Variants in SOX5 observed in about 807,000 individuals in gnomAD.
The protein encoded by SOX5 is transcription factor SOX-5.
A neutral mutation model predicts 92.0 loss-of-function variants in SOX5; 9 were observed. The observed-to-expected ratio is 0.10, with a 90% CI of 0.06 to 0.17. The LOEUF is 0.17. Ranked by LOEUF, SOX5 falls within the 10% of genes least tolerant of loss-of-function variation. The pLI, the probability that SOX5 is intolerant of heterozygous loss-of-function variation, is 1.00. For synonymous variants in SOX5, 344 were observed against 336.3 expected (o/e 1.02, Z -0.25); for missense variants, 642 against 944.5 (o/e 0.68, Z 4.20).
At chr12:24,417,611 T>C (rs2136886352) in intron 1 of SOX5, among the ~76,000 whole-genome samples, 1 of 152,286 alleles carries the variant, frequency 6.6e-6, no homozygotes, top group African/African-American at 2.4e-5. Context: ...ACAAATGAAC[T>C]GAACAGAATA....
At chr12:24,289,439 A>AAGGAC (rs1289340092) in intron 2 of SOX5, among the ~76,000 whole-genome samples, 1 of 148,164 alleles carries the variant, frequency 6.7e-6, no homozygotes, top group Non-Finnish European at 1.5e-5. Context: ...GGACGGTCTT[A>AAGGAC]AGGACATTTG....
chr12:23,536,833 G>GTGGTT (rs1409643154), intron 13 of SOX5, among the ~76,000 whole-genome samples, 164 bp from the exon 14 acceptor site: 1 of 152,068 alleles, frequency 6.6e-6, no homozygotes, highest in Admixed American at 6.6e-5. Flanking sequence ...AGAGGTGGTG[G>GTGGTT]TGGTTTTGTA....
At chr12:24,329,954 C>T (rs939437389) in intron 2 of SOX5, among the ~76,000 whole-genome samples, 18 of 152,076 alleles carry the variant, frequency 1.2e-4, no homozygotes, top group African/African-American at 4.3e-4. Context: ...ACCCGGGAGG[C>T]GGAGGTGGCA....
At chr12:24,360,626 C>T (rs752637286) in intron 2 of SOX5, among the ~76,000 whole-genome samples, 1 of 152,072 alleles carries the variant, frequency 6.6e-6, no homozygotes, top group Non-Finnish European at 1.5e-5. Flanking sequence ...TGTCTGAGTA[C>T]TTCATTTTAC....
intron 2 of SOX5, among the ~76,000 whole-genome samples, chr12:24,314,110 G>A (rs1413442510): frequency 6.6e-6 from 1 of 152,072 alleles, no homozygotes; most frequent in South Asian, 2.1e-4. Context: ...ATCTCGTCTG[G>A]CTTATTGTAA....
chr12:23,979,755 T>G (rs1949352812), intron 4 of SOX5, among the ~76,000 whole-genome samples: 1 of 127,730 alleles, frequency 7.8e-6, no homozygotes, highest in Admixed American at 9.2e-5. Flanking sequence ...CCTTACTGTG[T>G]CACTCAGACT....
At position 23,533,449 on chromosome 12, in the gene SOX5, G is replaced by T; in HGVS notation, c.*770C>A. ...CACTGTCCTAACTTAAGAAGGAAAA[G>T]GAAAAAGTAAAGAGAAAAAATGAAC... On this transcript the variant is annotated 3_prime_UTR_variant, in exon 15 of 15. Transcript: ENST00000451604. 5.3e-6 allele frequency: 1 copy of T among 187,772 alleles called. No individual in the cohort carries two copies. Among genetic ancestry groups the T allele is most frequent in the Non-Finnish European group, 1.1e-5 (1 of 88,026 alleles). 11.6% of individuals were successfully genotyped at this position (187,772 alleles called of 1,614,324 possible).
chr12:24,449,005 C>T (rs1187766912), intron 1 of SOX5, among the ~76,000 whole-genome samples: 1 of 152,130 alleles, frequency 6.6e-6, no homozygotes, highest in African/African-American at 2.4e-5. Context: ...GCTTCCATTT[C>T]ATTAGCACAT....
At chr12:23,963,146 G>C (rs531501974) in intron 4 of SOX5, among the ~76,000 whole-genome samples, 27 of 152,190 alleles carry the variant, frequency 1.8e-4, no homozygotes, top group African/African-American at 6.5e-4. Context: ...TTTCATAAAA[G>C]AATACTTTAA....
At chr12:23,828,920 C>T (rs770301969) in intron 3 of SOX5, among the ~76,000 whole-genome samples, 35 of 152,264 alleles carry the variant, frequency 2.3e-4, no homozygotes, top group Middle Eastern at 6.8e-3. Context: ...GTCATATGCT[C>T]ATCCTGTTCT....
Position 24,113,817 on chromosome 12 carries a change from G to T in SOX5, c.-2+99526C>A, listed in dbSNP as rs10505935. Among the ~76,000 whole-genome samples the T allele has an allele frequency of 4.8e-3, 727 of 152,252 alleles. 4 individuals carry two copies. The highest frequency in any genetic ancestry group is 0.017 in the Middle Eastern group (5 of 294). ...CTGTTATCTGTTATACTTAAGGAAG[G>T]TTCCAGACTTGGAATTGTTAGCTAA... On this transcript the variant is annotated intron_variant, in intron 4 of 4. Coordinates refer to the SOX5 transcript ENST00000446891.
intron 6 of SOX5, among the ~76,000 whole-genome samples, chr12:23,683,366 G>A (rs1312141302): frequency 6.6e-6 from 1 of 151,728 alleles, no homozygotes; most frequent in Non-Finnish European, 1.5e-5. Flanking sequence ...AAAGAAAACT[G>A]GTGAAAACTT....
intron 4 of SOX5, among the ~76,000 whole-genome samples, chr12:23,969,571 T>G (rs1428681727): frequency 1.3e-5 from 2 of 152,230 alleles, no homozygotes; most frequent in Non-Finnish European, 2.9e-5. Context: ...CTATTTTCTC[T>G]GTTTGGAATT....
At chr12:24,539,625 T>C (rs1951940519) in intron 1 of SOX5, among the ~76,000 whole-genome samples, 1 of 151,674 alleles carries the variant, frequency 6.6e-6, no homozygotes, top group Non-Finnish European at 1.5e-5. Flanking sequence ...TAAAATTATC[T>C]TTTAATTGTT....
chr12:24,064,334 T>C (rs1940279447), intron 4 of SOX5, among the ~76,000 whole-genome samples: 1 of 152,194 alleles, frequency 6.6e-6, no homozygotes, highest in African/African-American at 2.4e-5. Flanking sequence ...ATATCCAAGA[T>C]GACTCTTATG....
intron 2 of SOX5, chr12:24,357,540 A>C (rs1955001286): frequency 6.6e-6 from 1 of 152,266 alleles, no homozygotes; most frequent in Admixed American, 6.5e-5. Context: ...CCCACCAACC[A>C]CAATTGAAAC....
At chr12:23,804,974 T>TTTA (rs2095742962) in intron 3 of SOX5, among the ~76,000 whole-genome samples, 3 of 106,968 alleles carry the variant, frequency 2.8e-5, no homozygotes, top group Non-Finnish European at 3.7e-5. Context: ...TATATTCCTT[T>TTTA]AAAAAATCTT....
In SOX5 at chr12:24,065,913, G is replaced by A. The variant is rs116236583; in HGVS notation, c.-2+147430C>T. Among the ~76,000 whole-genome samples the A allele has an allele frequency of 7.8e-3, 1,189 of 152,222 alleles. 16 individuals carry two copies. Among genetic ancestry groups the A allele is most frequent in the African/African-American group, 0.027 (1,111 of 41,514 alleles). Reference sequence around the variant, plus strand: ...ATCCTGAATTAATTCTGAGTAGGGTGAGGACACAGTTAACTTCAGCAAATT... The same window carrying A: ...ATCCTGAATTAATTCTGAGTAGGGTAAGGACACAGTTAACTTCAGCAAATT... On this transcript the variant is annotated intron_variant, in intron 4 of 4. Coordinates refer to the SOX5 transcript ENST00000446891.
chr12:24,241,343 C>T (rs936448103), intron 3 of SOX5, among the ~76,000 whole-genome samples: 1 of 152,058 alleles, frequency 6.6e-6, no homozygotes, highest in African/African-American at 2.4e-5. Flanking sequence ...ATTACAAAAG[C>T]CTCTTTGTTT....
Sources: allele counts gnomAD v4.1 joint callset (sites outside exome capture counted in the v4.1 genomes callset), GRCh38; gene constraint gnomAD v4.1.1; transcripts MANE v1.5; gene names NCBI Gene and HGNC (gene_info 2026-07-23, HGNC 2026-07-21).